Variants in DNAH11 observed in about 807,000 individuals in gnomAD.
DNAH11 encodes the protein dynein axonemal heavy chain 11.
In DNAH11, 442 loss-of-function variants were observed where a neutral mutation model predicts 526.0. The observed-to-expected ratio is 0.84, with a 90% CI of 0.78 to 0.91. DNAH11 has a LOEUF of 0.91. Ranked by LOEUF, DNAH11 falls within the 40% of genes least tolerant of loss-of-function variation. DNAH11 has a pLI of 0.00. For missense variants in DNAH11, 6,989 were observed against 5,448.7 expected, an observed-to-expected ratio of 1.28 and a Z score of -8.90; for synonymous variants, 2,461 against 1,935.9, an observed-to-expected ratio of 1.27 and a Z score of -7.12.
intron 72 of DNAH11, 76 bp downstream of exon 72, chr7:21,868,083 A>G (rs1583791692): frequency 8.7e-7 from 1 of 1,147,832 alleles, no homozygotes; most frequent in Non-Finnish European, 1.1e-6. Flanking sequence ...CCTTCTTTTC[A>G]GTTCACAGTG....
At chr7:21,689,592 A>C (rs753833736) in intron 34 of DNAH11, among the ~76,000 whole-genome samples, 4 of 152,230 alleles carry the variant, frequency 2.6e-5, no homozygotes, top group Non-Finnish European at 5.9e-5. Flanking sequence ...ATTCTGTGGC[A>C]AGAGCCACCG....
Position 21,842,727 on chromosome 7 carries a change from G to T in DNAH11, c.10875G>T (p.Arg3625Ser). 1.9e-6 allele frequency: 3 copies of T among 1,610,588 alleles called. No individual in the cohort carries two copies. The highest frequency in any genetic ancestry group is 2.5e-6 in the Non-Finnish European group (3 of 1,178,514). ...TGGCAGAGGTTGTCAGTATTGAAAGGCCAGATTTGGAGAAACTTAAGGTAA... is the reference window on the plus strand; with the variant it reads ...TGGCAGAGGTTGTCAGTATTGAAAGTCCAGATTTGGAGAAACTTAAGGTAA... ...QLLAEVVSIE[R>S]PDLEKLKLVL... The change falls in exon 66 of 82, where the codon AGG becomes AGT. Residue 3625 changes from arginine to serine, a missense_variant. Arg to Ser is a moderately radical substitution (Grantham distance 110). Coordinates refer to ENST00000409508, the MANE Select transcript of DNAH11 (RefSeq NM_001277115.2).
intron 37 of DNAH11, chr7:21,703,784 C>G (rs181179194): frequency 1.1e-4 from 16 of 152,264 alleles, no homozygotes; most frequent in African/African-American, 3.9e-4. Flanking sequence ...AAACTTTACT[C>G]TGTGTGATTT....
chr7:21,722,408 C>G lies in DNAH11; in HGVS notation c.7266+1552C>G, dbSNP rs1265288913. Among the ~76,000 whole-genome samples, 3 of 152,278 alleles carry G rather than the reference C, an allele frequency of 2.0e-5. No homozygotes were observed. In the East Asian group the frequency reaches 5.8e-4, roughly 29 times the overall value. On this transcript the variant is annotated intron_variant, in intron 44 of 81. Coordinates refer to ENST00000409508, the MANE Select transcript of DNAH11 (RefSeq NM_001277115.2). ...AGCACACATTTTCCAGGCTTCCTTG[C>G]TCTTTCCAGGTGTAAATGGGGCATT...
chr7:21,560,764 C>T (rs900970011), intron 4 of DNAH11, among the ~76,000 whole-genome samples: 2 of 152,168 alleles, frequency 1.3e-5, no homozygotes, highest in Non-Finnish European at 2.9e-5. Flanking sequence ...TTTGGCAACA[C>T]CCTCACAGAC....
rs1583831299 is a variant in DNAH11 at position 21,901,348 on chromosome 7, T to TTAGTAAC, written c.*96_*102dup. On this transcript the variant is annotated 3_prime_UTR_variant, in exon 82 of 82. Transcript: ENST00000409508. ...TTCCCATGCACATTATTCTAACTTT[T>TTAGTAAC]TAGTAACTCACACGTGCATTCTTTT... 4 of 1,421,140 alleles carry TTAGTAAC rather than the reference T, an allele frequency of 2.8e-6. No homozygotes were observed. In the East Asian group the frequency reaches 9.8e-5, roughly 35 times the overall value. 88.0% of individuals were successfully genotyped at this position (1,421,140 alleles called of 1,614,324 possible).
chr7:21,772,342 T>C (rs1037845182), intron 55 of DNAH11, among the ~76,000 whole-genome samples: 4 of 144,990 alleles, frequency 2.8e-5, no homozygotes, highest in Non-Finnish European at 1.5e-5. Context: ...GTTTTTTTTT[T>C]TTCTTCTTTC....
At chr7:21,654,879 G>A (rs1398032779) in intron 28 of DNAH11, among the ~76,000 whole-genome samples, 1 of 152,096 alleles carries the variant, frequency 6.6e-6, no homozygotes, top group African/African-American at 2.4e-5. Flanking sequence ...TTTCCTCCAT[G>A]ACAAAAACAC....
chr7:21,571,276 T>G (rs1783877529), intron 7 of DNAH11, among the ~76,000 whole-genome samples: 1 of 152,056 alleles, frequency 6.6e-6, no homozygotes, highest in Admixed American at 6.6e-5. Flanking sequence ...TACTGCGAGA[T>G]AGTTTTTGTT....
chr7:21,562,436 T>C (rs902403003), intron 5 of DNAH11, among the ~76,000 whole-genome samples: 16 of 152,316 alleles, frequency 1.1e-4, no homozygotes, highest in African/African-American at 3.8e-4. Flanking sequence ...CTTCAATAAA[T>C]AGAAGCTGTT....
At position 21,573,221 on chromosome 7, in the gene DNAH11, A is replaced by G. The variant is rs112156017; in HGVS notation, c.1593+1248A>G. The stretch of plus-strand genomic sequence containing the variant: ...TCTGCCTAAAGCCTGCATAGTCACA[A>G]ACATGTAGGAATAGAAAATTCATTT... On this transcript the variant is annotated intron_variant, in intron 8 of 81. Transcript: ENST00000409508. Among the ~76,000 whole-genome samples the G allele has an allele frequency of 5.6e-3, 852 of 152,322 alleles. 16 individuals are homozygous for G. The highest frequency in any genetic ancestry group is 0.019 in the African/African-American group (807 of 41,568).
rs1050013041 is a variant in DNAH11, at chr7:21,669,493, A to G, written c.5328+10462A>G. Among the ~76,000 whole-genome samples the G allele has an allele frequency of 2.0e-5, 3 of 151,764 alleles. No homozygotes were observed. In the East Asian group the frequency reaches 5.8e-4, roughly 29 times the overall value. On this transcript the variant is annotated intron_variant, in intron 30 of 81. Transcript: ENST00000409508. ...GTCTTTTTTAATTGTTGATTGTAGGATTTCTTTATTTATTTGGGATACAAG... is the reference window on the plus strand; with the variant it reads ...GTCTTTTTTAATTGTTGATTGTAGGGTTTCTTTATTTATTTGGGATACAAG...
At chr7:21,809,810 C>G (rs1464062832) in intron 63 of DNAH11, among the ~76,000 whole-genome samples, 1 of 152,164 alleles carries the variant, frequency 6.6e-6, no homozygotes, top group Non-Finnish European at 1.5e-5. Context: ...AGGTGATTCA[C>G]CCGCCTCAGC....
intron 27 of DNAH11, 35 bp from the exon 28 acceptor site, chr7:21,638,904 C>T (rs748998221): frequency 2.7e-5 from 43 of 1,583,740 alleles, no homozygotes; most frequent in Middle Eastern, 1.7e-4. Flanking sequence ...ACTGAAGGGA[C>T]AAGATATGCT....
At chr7:21,670,658 T>A (rs1782608334) in intron 30 of DNAH11, among the ~76,000 whole-genome samples, 1 of 152,188 alleles carries the variant, frequency 6.6e-6, no homozygotes, top group African/African-American at 2.4e-5. Flanking sequence ...GTTAGTTGAA[T>A]GTTTCTTGGA....
At chr7:21,731,209 T>C (rs1583637931) in intron 45 of DNAH11, among the ~76,000 whole-genome samples, 1 of 152,212 alleles carries the variant, frequency 6.6e-6, no homozygotes, top group African/African-American at 2.4e-5. Flanking sequence ...TTGTACAATA[T>C]ATACATATTT....
At chr7:21,899,201 G>T (rs1000665663) in intron 79 of DNAH11, 135 bp from the exon 80 acceptor site, 21 of 702,914 alleles carry the variant, frequency 3.0e-5, no homozygotes, top group Non-Finnish European at 4.9e-5. Context: ...AAATTGTCAG[G>T]GAAGGATTTT....
intron 25 of DNAH11, among the ~76,000 whole-genome samples, chr7:21,627,939 C>G (rs141636776): frequency 8.7e-4 from 132 of 152,080 alleles, no homozygotes; most frequent in African/African-American, 3.1e-3. Context: ...TGTGTGTCTT[C>G]AGTTTTTTTC....
At chr7:21,568,125 C>CTAACTAA (rs1783746893) in intron 6 of DNAH11, among the ~76,000 whole-genome samples, 1 of 152,140 alleles carries the variant, frequency 6.6e-6, no homozygotes, top group Non-Finnish European at 1.5e-5. Flanking sequence ...AGCAGGGAGA[C>CTAACTAA]GAGCCTCAAA....
Sources: allele counts gnomAD v4.1 joint callset (sites outside exome capture counted in the v4.1 genomes callset), GRCh38; gene constraint gnomAD v4.1.1; transcripts MANE v1.5; gene names NCBI Gene and HGNC (gene_info 2026-07-23, HGNC 2026-07-21).